The following PTPRD variants were observed in gnomAD, a reference collection of about 807,000 sequenced individuals.
PTPRD encodes receptor-type tyrosine-protein phosphatase delta.
Under a neutral mutation model 214.5 loss-of-function variants are expected in PTPRD, and 34 were observed. The ratio of observed to expected loss-of-function variants is 0.16; its 90% CI spans 0.12 to 0.21. The LOEUF (loss-of-function observed/expected upper bound fraction) is 0.21. Ranked by LOEUF, PTPRD falls within the 10% of genes least tolerant of loss-of-function variation. The pLI is 1.00. For synonymous variants in PTPRD, 1,128 were observed against 845.7 expected (o/e 1.33, Z -5.79); for missense variants, 2,545 against 2,398.7 (o/e 1.06, Z -1.27).
intron 11 of PTPRD, among the ~76,000 whole-genome samples, chr9:8,831,685 A>C (rs928314449): frequency 6.6e-6 from 1 of 152,136 alleles, no homozygotes; most frequent in African/African-American, 2.4e-5. Flanking sequence ...ACTCACATAC[A>C]ATCTGTCTCT....
intron 11 of PTPRD, among the ~76,000 whole-genome samples, chr9:8,829,729 A>C (rs1190758116): frequency 1.3e-5 from 2 of 152,166 alleles, no homozygotes; most frequent in African/African-American, 4.8e-5. Context: ...GACAGCACAG[A>C]ACAATGAAAC....
chr9:9,917,791 C>A lies in PTPRD; in HGVS notation c.-368+20716G>T, dbSNP rs1434684259. Among the ~76,000 whole-genome samples, 3 of 151,948 alleles carry A rather than the reference C, an allele frequency of 2.0e-5. No individual in the cohort carries two copies. The South Asian group carries it at 6.2e-4, about 32-fold the overall frequency. ...AGAAATGCAAGGATGGATTAACATG[C>A]AAATCAATAAATGTGATACATCACA... is the stretch of plus-strand genomic sequence containing the variant. On this transcript the variant is annotated intron_variant, in intron 5 of 45. Coordinates refer to ENST00000381196, the MANE Select transcript of PTPRD (RefSeq NM_002839.4).
chr9:9,711,592 T>A (rs566775997), intron 7 of PTPRD, among the ~76,000 whole-genome samples: 1 of 152,192 alleles, frequency 6.6e-6, no homozygotes, highest in Admixed American at 6.5e-5. Flanking sequence ...ATTGGAGCTA[T>A]GTCCACTTTA....
chr9:8,808,888 A>G (rs1414695253), intron 11 of PTPRD, among the ~76,000 whole-genome samples: 1 of 152,184 alleles, frequency 6.6e-6, no homozygotes, highest in Non-Finnish European at 1.5e-5. Context: ...GCAATTAAGT[A>G]CCGCTGACTG....
intron 5 of PTPRD, among the ~76,000 whole-genome samples, chr9:9,905,989 C>A (rs1382192508): frequency 1.3e-5 from 2 of 151,862 alleles, no homozygotes; most frequent in African/African-American, 4.8e-5. Context: ...AAGCCAGATG[C>A]TCTAGGCAAT....
intron 8 of PTPRD, among the ~76,000 whole-genome samples, chr9:9,492,081 A>T (rs1193909087): frequency 1.3e-5 from 2 of 151,934 alleles, no homozygotes; most frequent in African/African-American, 4.8e-5. Flanking sequence ...ATTATACAGA[A>T]ATAAAAAGGA....
intron 3 of PTPRD, among the ~76,000 whole-genome samples, chr9:10,314,729 T>C (rs1031532957): frequency 6.6e-6 from 1 of 151,918 alleles, no homozygotes; most frequent in East Asian, 1.9e-4. Context: ...GGGGGGAAAC[T>C]TGCAAGAGTA....
intron 8 of PTPRD, among the ~76,000 whole-genome samples, chr9:9,446,319 C>T (rs750227346): frequency 6.6e-6 from 1 of 152,102 alleles, no homozygotes; most frequent in Non-Finnish European, 1.5e-5. Flanking sequence ...AGATAGGTCT[C>T]TTCACAGATA....
chr9:9,888,757 T>G (rs1375662282), intron 5 of PTPRD, among the ~76,000 whole-genome samples: 1 of 152,102 alleles, frequency 6.6e-6, no homozygotes, highest in African/African-American at 2.4e-5. Context: ...CTTTGTAAAT[T>G]GCCCAGCCTC....
At chr9:10,252,968 G>C (rs567076878) in intron 3 of PTPRD, among the ~76,000 whole-genome samples, 17 of 152,102 alleles carry the variant, frequency 1.1e-4, no homozygotes, top group African/African-American at 3.9e-4. Flanking sequence ...ATTTTTAGTA[G>C]AGATGAGGTT....
intron 2 of PTPRD, among the ~76,000 whole-genome samples, chr9:10,355,732 C>T (rs1054475581): frequency 3.3e-5 from 5 of 152,122 alleles, no homozygotes. Flanking sequence ...CCCACCTCGG[C>T]CTCCCAAAGC....
intron 3 of PTPRD, among the ~76,000 whole-genome samples, chr9:10,250,797 T>C (rs1158786536): frequency 6.6e-6 from 1 of 151,886 alleles, no homozygotes; most frequent in Non-Finnish European, 1.5e-5. Context: ...TATAAAATAA[T>C]ATGTGGAATA....
At chr9:9,267,310 G>A (rs867265030) in intron 9 of PTPRD, among the ~76,000 whole-genome samples, 2 of 151,132 alleles carry the variant, frequency 1.3e-5, no homozygotes, top group African/African-American at 2.4e-5. Context: ...TAGCATAAAT[G>A]GATATGTTCC....
At chr9:8,552,589 T>C (rs1375501461) in intron 14 of PTPRD, among the ~76,000 whole-genome samples, 1 of 151,838 alleles carries the variant, frequency 6.6e-6, no homozygotes, top group Non-Finnish European at 1.5e-5. Context: ...GCCAAGCAAA[T>C]AGGAAATCCA....
At chr9:9,553,199 G>A (rs2080741319) in intron 8 of PTPRD, among the ~76,000 whole-genome samples, 1 of 151,956 alleles carries the variant, frequency 6.6e-6, no homozygotes, top group African/African-American at 2.4e-5. Context: ...TTGATTGACA[G>A]AAAATGAACT....
chr9:9,190,344 A>C (rs1002407047), intron 9 of PTPRD, among the ~76,000 whole-genome samples: 3 of 152,028 alleles, frequency 2.0e-5, no homozygotes, highest in African/African-American at 7.2e-5. Context: ...AGGTAAGTGA[A>C]TCATGGGGCC....
chr9:8,967,607 C>G (rs1426112480), intron 11 of PTPRD, among the ~76,000 whole-genome samples: 1 of 151,622 alleles, frequency 6.6e-6, no homozygotes, highest in Non-Finnish European at 1.5e-5. Context: ...AACGTGGTAT[C>G]AAAAAACAAT....
chr9:9,318,620 C>A (rs898851626), intron 9 of PTPRD, among the ~76,000 whole-genome samples: 9 of 152,140 alleles, frequency 5.9e-5, no homozygotes, highest in African/African-American at 1.9e-4. Context: ...AAAGTATAAT[C>A]ACTTTTTCCC....
At chr9:9,668,398 T>G (rs1325089469) in intron 7 of PTPRD, among the ~76,000 whole-genome samples, 1 of 152,168 alleles carries the variant, frequency 6.6e-6, no homozygotes, top group Non-Finnish European at 1.5e-5. Flanking sequence ...AAGTCTAAAT[T>G]AGGCCTGATT....
Sources: gnomAD v4.1 joint callset for allele counts (sites outside exome capture counted in the v4.1 genomes callset) on GRCh38, gnomAD v4.1.1 for gene constraint, MANE v1.5 for transcripts, NCBI Gene and HGNC (gene_info 2026-07-23, HGNC 2026-07-21) for gene names.